Variants in TAFA4 observed in about 807,000 individuals in gnomAD.
TAFA4 encodes the protein TAFA chemokine like family member 4, also known as chemokine-like protein TAFA-4.
In TAFA4, 20 loss-of-function variants were observed where a neutral mutation model predicts 21.1. That is an observed-to-expected ratio of 0.95 (90% CI 0.67 to 1.38). The LOEUF (loss-of-function observed/expected upper bound fraction) is 1.38. TAFA4 is among the 40% of genes most tolerant of loss of function. The pLI is 0.00. For missense variants in TAFA4, 211 were observed against 180.9 expected (o/e 1.17, Z -0.95); for synonymous variants, 71 against 67.4 (o/e 1.05, Z -0.26).
At chr3:68,919,688 G>A (rs1390221761) in intron 1 of TAFA4, among the ~76,000 whole-genome samples, 5 of 152,190 alleles carry the variant, frequency 3.3e-5, no homozygotes, top group Admixed American at 3.3e-4. Context: ...TGAACAGCAA[G>A]AAGTTTGGAA....
At position 68,920,931 on chromosome 3, in the gene TAFA4, T is replaced by C. The variant is rs553759827; in HGVS notation, c.-123+11309A>G. Among the ~76,000 whole-genome samples, 17 of 152,308 alleles carry C rather than the reference T, an allele frequency of 1.1e-4. No individual in the cohort carries two copies. The East Asian group carries it at 3.1e-3, about 28-fold the overall frequency. On this transcript the variant is annotated intron_variant, in intron 1 of 5. Transcript: ENST00000295569. ...GCTGTTTAGTCTTCCATAGAAGCCA[T>C]CTCCAGCAGGGCCTTCGTCTGCCAC...
At chr3:68,889,780 C>CA (rs568756347) in intron 1 of TAFA4, among the ~76,000 whole-genome samples, 6 of 151,774 alleles carry the variant, frequency 4.0e-5, no homozygotes, top group African/African-American at 1.2e-4. Context: ...TCATGAAAGA[C>CA]AAAAAAAATT....
intron 3 of TAFA4, among the ~76,000 whole-genome samples, chr3:68,783,713 A>AAGAAAAAG (rs1553641277): frequency 1.2e-5 from 1 of 80,756 alleles, no homozygotes. Flanking sequence ...GAGAGAAAGA[A>AAGAAAAAG]AAAGAAAGAA....
chr3:68,802,003 T>C (rs1230276075), intron 3 of TAFA4, among the ~76,000 whole-genome samples: 4 of 152,080 alleles, frequency 2.6e-5, no homozygotes, highest in Non-Finnish European at 5.9e-5. Context: ...CAGCCACTCG[T>C]ATCTTCAGAT....
At chr3:68,840,925 G>A (rs1159386078) in intron 3 of TAFA4, among the ~76,000 whole-genome samples, 1 of 152,008 alleles carries the variant, frequency 6.6e-6, no homozygotes, top group African/African-American at 2.4e-5. Context: ...TCTAACCCTG[G>A]ACTTACCCTA....
chr3:68,931,674 A>C (rs1395367995), intron 1 of TAFA4, among the ~76,000 whole-genome samples: 1 of 150,344 alleles, frequency 6.7e-6, no homozygotes, highest in Non-Finnish European at 1.5e-5. Context: ...CCAGTTCTCC[A>C]CTTGGGCGGG....
intron 5 of TAFA4, among the ~76,000 whole-genome samples, chr3:68,736,756 A>G (rs1453367340): frequency 1.3e-5 from 2 of 152,148 alleles, no homozygotes; most frequent in African/African-American, 2.4e-5. Flanking sequence ...AATTTACTCT[A>G]TGTGCATAAG....
intron 4 of TAFA4, among the ~76,000 whole-genome samples, chr3:68,743,680 C>G (rs529728827): frequency 6.6e-6 from 1 of 152,122 alleles, no homozygotes; most frequent in South Asian, 2.1e-4. Flanking sequence ...CAAAGCACTT[C>G]TACTTACTGT....
At chr3:68,880,950 GC>G (rs1333591347) in intron 2 of TAFA4, 105 bp from the exon 3 acceptor site, 2 of 772,860 alleles carry the variant, frequency 2.6e-6, no homozygotes, top group African/African-American at 3.5e-5. Flanking sequence ...GATCCCTGGA[GC>G]TGGAATTCCT....
At chr3:68,795,161 G>A (rs1350274864) in intron 3 of TAFA4, among the ~76,000 whole-genome samples, 2 of 151,612 alleles carry the variant, frequency 1.3e-5, no homozygotes, top group African/African-American at 4.9e-5. Context: ...TGTGCTGGGA[G>A]TTCAGCAGGA....
At chr3:68,890,154 C>T (rs925253526) in intron 1 of TAFA4, among the ~76,000 whole-genome samples, 2 of 151,852 alleles carry the variant, frequency 1.3e-5, no homozygotes, top group Non-Finnish European at 2.9e-5. Flanking sequence ...AAAACATGAG[C>T]GGGAAGAAGT....
chr3:68,871,534 G>GT (rs2089483272), intron 3 of TAFA4, among the ~76,000 whole-genome samples: 1 of 152,090 alleles, frequency 6.6e-6, no homozygotes, highest in Non-Finnish European at 1.5e-5. Context: ...AATTTTTTTA[G>GT]TAAGACTTTG....
intron 1 of TAFA4, among the ~76,000 whole-genome samples, chr3:68,899,933 C>T (rs895740415): frequency 6.6e-6 from 1 of 151,960 alleles, no homozygotes; most frequent in Non-Finnish European, 1.5e-5. Flanking sequence ...ACCTAAAAGA[C>T]ATTTAACCTT....
chr3:68,833,328 G>A (rs187610513), intron 3 of TAFA4, among the ~76,000 whole-genome samples: 58 of 152,060 alleles, frequency 3.8e-4, no homozygotes, highest in African/African-American at 5.3e-4. Context: ...TCTCGGAAGC[G>A]ACTATAATAA....
chr3:68,737,322 G>T (rs2134829), intron 5 of TAFA4, among the ~76,000 whole-genome samples: 3 of 151,894 alleles, frequency 2.0e-5, no homozygotes, highest in Non-Finnish European at 4.4e-5. Flanking sequence ...TAGCAAGCAC[G>T]CTGAGTCTAT....
chr3:68,808,596 C>T (rs535369589), intron 3 of TAFA4, among the ~76,000 whole-genome samples: 1 of 152,290 alleles, frequency 6.6e-6, no homozygotes, highest in South Asian at 2.1e-4. Context: ...CTGATTTCCC[C>T]ATGACAAATT....
intron 1 of TAFA4, among the ~76,000 whole-genome samples, chr3:68,908,984 A>C (rs1461739430): frequency 6.6e-6 from 1 of 152,218 alleles, no homozygotes; most frequent in African/African-American, 2.4e-5. Flanking sequence ...TGCAGTAGTC[A>C]CTACCCACAT....
intron 3 of TAFA4, among the ~76,000 whole-genome samples, chr3:68,802,145 T>A (rs1045755230): frequency 6.6e-6 from 1 of 152,190 alleles, no homozygotes; most frequent in Non-Finnish European, 1.5e-5. Context: ...TATTAAGCAA[T>A]AGGAAAAACT....
intron 1 of TAFA4, among the ~76,000 whole-genome samples, chr3:68,921,445 T>C (rs944040757): frequency 6.6e-6 from 1 of 152,194 alleles, no homozygotes; most frequent in African/African-American, 2.4e-5. Context: ...TTAATCTTTT[T>C]AGACAGTGCA....
Sources: gnomAD v4.1 joint callset for allele counts (sites outside exome capture counted in the v4.1 genomes callset) on GRCh38, gnomAD v4.1.1 for gene constraint, MANE v1.5 for transcripts, NCBI Gene and HGNC (gene_info 2026-07-23, HGNC 2026-07-21) for gene names.